ATP9B: variants seen among roughly 807,000 people sequenced by gnomAD.
The protein encoded by ATP9B is ATPase phospholipid transporting 9B.
Under a neutral mutation model 146.1 loss-of-function variants are expected in ATP9B, and 110 were observed. The observed-to-expected ratio is 0.75, with a 90% confidence interval of 0.65 to 0.88. The LOEUF is 0.88. ATP9B is among the 40% of genes least tolerant of loss of function. The pLI, the probability that ATP9B is intolerant of heterozygous loss-of-function variation, is 0.00. For missense variants in ATP9B, 1,499 were observed against 1,496.4 expected (o/e 1.00, Z -0.03); for synonymous variants, 604 against 569.7 (o/e 1.06, Z -0.86).
chr18:79,256,452 C>T (rs940044313), intron 12 of ATP9B, among the ~76,000 whole-genome samples: 9 of 150,832 alleles, frequency 6.0e-5, no homozygotes, highest in African/African-American at 9.7e-5. Flanking sequence ...ACTTTATTTG[C>T]ATTAATTTAT....
chr18:79,354,780 G>A lies in ATP9B; in HGVS notation c.2904-4574G>A, dbSNP rs865780096. On this transcript the variant is annotated intron_variant, in intron 25 of 29. Transcript: ENST00000426216. Reference sequence around the variant, plus strand: ...CCCGGGTTTTCCAGCAGCTGGAGCTGAAGGAGCCGGCAGCCTGGAAACGCC... The same window carrying A: ...CCCGGGTTTTCCAGCAGCTGGAGCTAAAGGAGCCGGCAGCCTGGAAACGCC... Among the ~76,000 whole-genome samples, 9 of 152,248 alleles carry A rather than the reference G, an allele frequency of 5.9e-5. 1 individual carries two copies. The Middle Eastern group carries it at 0.014, about 230-fold the overall frequency.
rs1430251288 is a variant in ATP9B at position 79,180,023 on chromosome 18, C to A, written c.873+3116C>A. Among the ~76,000 whole-genome samples, 12 of 152,138 alleles carry A rather than the reference C, an allele frequency of 7.9e-5. No individual in the cohort carries two copies. In the East Asian group the frequency reaches 2.3e-3, roughly 29 times the overall value. The stretch of plus-strand genomic sequence containing the variant: ...TTGTTGAATTTGCCCTTTCATTATT[C>A]CTGGTAATATTCTTTGTTGAGACAT... On this transcript the variant is annotated intron_variant, in intron 8 of 29. Coordinates refer to ENST00000426216, the MANE Select transcript of ATP9B (RefSeq NM_198531.5).
At chr18:79,070,138 C>A (rs573563666) in intron 1 of ATP9B, among the ~76,000 whole-genome samples, 3 of 152,260 alleles carry the variant, frequency 2.0e-5, no homozygotes, top group Non-Finnish European at 4.4e-5. Context: ...AGTGTACAGA[C>A]CTTTCATACT....
At chr18:79,255,926 C>T (rs2096072863) in intron 12 of ATP9B, among the ~76,000 whole-genome samples, 2 of 152,108 alleles carry the variant, frequency 1.3e-5, no homozygotes, top group Admixed American at 6.5e-5. Flanking sequence ...TTTATTAGAG[C>T]TTCATGACAC....
intron 15 of ATP9B, among the ~76,000 whole-genome samples, chr18:79,315,980 G>T (rs1252468621): frequency 6.6e-6 from 1 of 152,188 alleles, no homozygotes; most frequent in Admixed American, 6.5e-5. Context: ...GTCATTTGAA[G>T]TGTACTAAGC....
intron 1 of ATP9B, among the ~76,000 whole-genome samples, chr18:79,074,110 C>T (rs1233105899): frequency 6.6e-6 from 1 of 152,176 alleles, no homozygotes; most frequent in African/African-American, 2.4e-5. Context: ...CATTTTAATT[C>T]TCAGAGCCTT....
chr18:79,150,845 T>TAC (rs1295357467), intron 6 of ATP9B, among the ~76,000 whole-genome samples: 2 of 152,146 alleles, frequency 1.3e-5, no homozygotes, highest in Non-Finnish European at 2.9e-5. Flanking sequence ...CACAGTGGCA[T>TAC]ACATCTGCTG....
Position 79,348,189 on chromosome 18 carries a change from A to G in ATP9B, c.2896A>G (p.Met966Val), listed in dbSNP as rs1203125662. Residue 966 changes from methionine to valine, a missense_variant, in exon 25 of 30, where the codon ATG (methionine) becomes GTG (valine). Met to Val is a conservative substitution (Grantham distance 21, BLOSUM62 1). Transcript: ENST00000426216. ...CGTCCCTTTGTATCAGGGCTTCCTCATGGTGGGGTAAGTTACACTCAGAAC... is the reference window on the plus strand; with the variant it reads ...CGTCCCTTTGTATCAGGGCTTCCTCGTGGTGGGGTAAGTTACACTCAGAAC... ...ASVPLYQGFL[M>V]VGYATIYTMF... The G allele has an allele frequency of 5.7e-6, 9 of 1,565,260 alleles. No individual in the cohort carries two copies. The highest frequency in any genetic ancestry group is 7.8e-6 in the Non-Finnish European group (9 of 1,151,710).
intron 25 of ATP9B, among the ~76,000 whole-genome samples, chr18:79,355,854 CCATT>C: frequency 6.6e-6 from 1 of 152,124 alleles, no homozygotes; most frequent in Non-Finnish European, 1.5e-5. Context: ...AGAGACAAAC[CCATT>C]GAAAGCAGCC....
rs146839433 is a variant in ATP9B, at chr18:79,339,500, C to G, written c.2283+2051C>G. ...GTGTCATGATCACAGTAGGAAGTGT[C>G]ATGATCGTAGTAGGAAGTGTGTCAG... is the stretch of plus-strand genomic sequence containing the variant. On this transcript the variant is annotated intron_variant, in intron 19 of 29. Transcript: ENST00000426216. Among the ~76,000 whole-genome samples the G allele has an allele frequency of 1.2e-4, 18 of 150,750 alleles. No individual in the cohort carries two copies. The East Asian group carries it at 3.4e-3, about 28-fold the overall frequency.
At chr18:79,289,537 T>C (rs757001597) in intron 13 of ATP9B, among the ~76,000 whole-genome samples, 24 of 152,226 alleles carry the variant, frequency 1.6e-4, no homozygotes, top group Non-Finnish European at 3.1e-4. Flanking sequence ...TCAAAATTTT[T>C]AACTTCTTTG....
At chr18:79,205,573 C>A (rs1664687419) in intron 9 of ATP9B, among the ~76,000 whole-genome samples, 1 of 151,882 alleles carries the variant, frequency 6.6e-6, no homozygotes, top group South Asian at 2.1e-4. Context: ...ACGGGAGACG[C>A]CCAACAGTCA....
At chr18:79,116,949 AAAAAAAAG>A (rs2094093267) in intron 4 of ATP9B, among the ~76,000 whole-genome samples, 1 of 139,442 alleles carries the variant, frequency 7.2e-6, no homozygotes, top group Non-Finnish European at 1.6e-5. Flanking sequence ...TTAAAAAAAA[AAAAAAAAG>A]AAATAATGAT....
intron 1 of ATP9B, among the ~76,000 whole-genome samples, chr18:79,081,121 A>G (rs961322832): frequency 6.6e-6 from 1 of 152,188 alleles, no homozygotes; most frequent in African/African-American, 2.4e-5. Context: ...TATCAGGATG[A>G]TGCTGGCCTC....
intron 8 of ATP9B, among the ~76,000 whole-genome samples, chr18:79,181,547 G>C (rs966205774): frequency 1.3e-5 from 2 of 152,104 alleles, no homozygotes; most frequent in African/African-American, 4.8e-5. Context: ...GGAATATCAA[G>C]TGGTTAGATT....
intron 26 of ATP9B, among the ~76,000 whole-genome samples, chr18:79,372,175 CTCCCCTGCCTCCTGCCCCCTCG>C (rs767149651): frequency 0.28 from 29,763 of 105,646 alleles, 8,062 homozygotes; most frequent in East Asian, 0.45. Flanking sequence ...TGGGCCAGAG[CTCCCCTGCCTCCTGCCCCCTCG>C]TCCCCTGCCT....
chr18:79,277,408 T>A, intron 13 of ATP9B: 2 of 474,964 alleles, frequency 4.2e-6, no homozygotes, highest in Non-Finnish European at 7.2e-6. Flanking sequence ...ATAAGAATTA[T>A]CAAAATGTTA....
chr18:79,370,182 C>T (rs796421876), intron 26 of ATP9B, among the ~76,000 whole-genome samples: 11 of 152,200 alleles, frequency 7.2e-5, no homozygotes, highest in Admixed American at 6.5e-5. Context: ...TTTCTGAATC[C>T]GTAATATTTA....
chr18:79,294,592 C>T (rs555337394), intron 13 of ATP9B, among the ~76,000 whole-genome samples: 148 of 152,320 alleles, frequency 9.7e-4, no homozygotes, highest in Admixed American at 3.0e-3. Context: ...GTAAAAGAGG[C>T]TCAAGAGACC....
Sources: allele counts gnomAD v4.1 joint callset (sites outside exome capture counted in the v4.1 genomes callset), GRCh38; gene constraint gnomAD v4.1.1; transcripts MANE v1.5; gene names NCBI Gene and HGNC (gene_info 2026-07-23, HGNC 2026-07-21).